SH3BGRL2: variants seen among roughly 807,000 people sequenced by gnomAD.
SH3BGRL2 encodes the protein SH3 domain-binding glutamic acid-rich-like protein 2.
In SH3BGRL2, 21 loss-of-function variants were observed where a neutral mutation model predicts 14.8. The ratio of observed to expected loss-of-function variants is 1.42; its 90% CI spans 1.01 to 2.05. The LOEUF (loss-of-function observed/expected upper bound fraction) is 2.05, where lower values mean the gene tolerates loss of function less well. SH3BGRL2 is among the 30% of genes most tolerant of loss of function. The pLI, the probability that SH3BGRL2 is intolerant of heterozygous loss-of-function variation, is 0.00. For synonymous variants in SH3BGRL2, 50 were observed against 47.8 expected, an observed-to-expected ratio of 1.05 and a Z score of -0.19; for missense variants, 147 against 130.8, an observed-to-expected ratio of 1.12 and a Z score of -0.61.
intron 1 of SH3BGRL2, among the ~76,000 whole-genome samples, chr6:79,660,782 GTTGATAGGC>G (rs1243734763): frequency 3.9e-5 from 6 of 152,038 alleles, no homozygotes; most frequent in Admixed American, 1.3e-4. Flanking sequence ...ACTTTTTTTG[GTTGATAGGC>G]TATTCATTAT....
At chr6:79,556,562 A>C in the SH3BGRL2 span, among the ~76,000 whole-genome samples, 82 of 152,184 alleles carry the variant, frequency 5.4e-4, no homozygotes, top group Non-Finnish European at 1.0e-3. Flanking sequence ...CTTTGGGAGT[A>C]TAAATTGGTT....
chr6:79,589,204 A>ATTT, the SH3BGRL2 span, among the ~76,000 whole-genome samples: 223 of 85,472 alleles, frequency 2.6e-3, 1 homozygote, highest in African/African-American at 5.1e-3. Context: ...ATATATATAT[A>ATTT]TATTTTTTTT....
chr6:79,620,740 G>A, the SH3BGRL2 span, among the ~76,000 whole-genome samples: 4 of 151,980 alleles, frequency 2.6e-5, no homozygotes, highest in Non-Finnish European at 5.9e-5. Flanking sequence ...AGAGGATTGG[G>A]GGATAGCACA....
chr6:79,580,006 T>C, the SH3BGRL2 span, among the ~76,000 whole-genome samples: 1 of 152,234 alleles, frequency 6.6e-6, no homozygotes, highest in African/African-American at 2.4e-5. Context: ...TCCTAGTCTC[T>C]GATAAAACAG....
rs1277618247 is a variant in SH3BGRL2 at position 79,701,557 on chromosome 6, G to A, written c.*2048G>A. 6.6e-6 allele frequency: 1 copy of A among 150,418 alleles called. No homozygotes were observed. The highest frequency in any genetic ancestry group is 2.4e-5 in the African/African-American group (1 of 40,928). The allele number at this position is 150,418 out of a possible 1,614,324, so 9.3% of individuals were successfully genotyped here. A position where few individuals can be genotyped will look rare whatever the true frequency, so the allele number is the denominator to read the frequency against. The stretch of plus-strand genomic sequence containing the variant: ...ATTATAGTAAACAGACTAGTGGGTA[G>A]TAATGCTAAATTACCATCACAGTTA... On this transcript the variant is annotated 3_prime_UTR_variant, in exon 4 of 4. Coordinates refer to ENST00000369838, the MANE Select transcript of SH3BGRL2 (RefSeq NM_031469.4).
At chr6:79,656,873 A>G (rs575907879) in intron 1 of SH3BGRL2, among the ~76,000 whole-genome samples, 43 of 152,302 alleles carry the variant, frequency 2.8e-4, no homozygotes, top group African/African-American at 8.7e-4. Context: ...ATAAATATGA[A>G]TGTGTGTGCA....
At chr6:79,646,675 C>A (rs1474150826) in intron 1 of SH3BGRL2, among the ~76,000 whole-genome samples, 1 of 152,136 alleles carries the variant, frequency 6.6e-6, no homozygotes, top group Non-Finnish European at 1.5e-5. Context: ...CATATTCATG[C>A]CTATTAGTAG....
intron 2 of SH3BGRL2, among the ~76,000 whole-genome samples, chr6:79,695,265 C>G (rs1477329806): frequency 1.3e-5 from 2 of 152,212 alleles, no homozygotes; most frequent in African/African-American, 4.8e-5. Context: ...TTCTTTAGAG[C>G]TGATCCTAAA....
chr6:79,663,728 C>A (rs1489341667), intron 1 of SH3BGRL2, among the ~76,000 whole-genome samples: 1 of 152,246 alleles, frequency 6.6e-6, no homozygotes, highest in Non-Finnish European at 1.5e-5. Flanking sequence ...TTTAAGTCTG[C>A]AGAAGTTTCT....
At chr6:79,583,635 G>C in the SH3BGRL2 span, among the ~76,000 whole-genome samples, 1 of 152,152 alleles carries the variant, frequency 6.6e-6, no homozygotes, top group Non-Finnish European at 1.5e-5. Context: ...CTGTAAGGGG[G>C]TGGGGAGCTC....
upstream of SH3BGRL2, among the ~76,000 whole-genome samples, chr6:79,629,220 G>A (rs182922951): frequency 2.3e-3 from 357 of 152,304 alleles, 3 homozygotes; most frequent in Non-Finnish European, 4.3e-3. Flanking sequence ...CAAATTCTCT[G>A]TTGTTCTCTT....
chr6:79,574,758 A>G, the SH3BGRL2 span: 1 of 152,234 alleles, frequency 6.6e-6, no homozygotes, highest in Middle Eastern at 3.2e-3. Context: ...TTGGTGGTAT[A>G]TCTTATGACT....
the SH3BGRL2 span, among the ~76,000 whole-genome samples, chr6:79,555,804 G>A: frequency 7.2e-5 from 11 of 152,174 alleles, no homozygotes; most frequent in South Asian, 2.1e-4. Flanking sequence ...CACCGCGCCC[G>A]GCCCAAACTA....
At chr6:79,559,921 T>C in the SH3BGRL2 span, among the ~76,000 whole-genome samples, 2 of 152,230 alleles carry the variant, frequency 1.3e-5, no homozygotes, top group African/African-American at 4.8e-5. Flanking sequence ...TTATTTGTAC[T>C]CTTATTCTTG....
At chr6:79,621,638 T>G in the SH3BGRL2 span, among the ~76,000 whole-genome samples, 1 of 152,196 alleles carries the variant, frequency 6.6e-6, no homozygotes, top group Non-Finnish European at 1.5e-5. Flanking sequence ...ATTGTGGCAG[T>G]CACTATTTGT....
intron 1 of SH3BGRL2, among the ~76,000 whole-genome samples, chr6:79,672,341 C>T (rs572216039): frequency 3.9e-5 from 6 of 152,156 alleles, no homozygotes; most frequent in African/African-American, 1.4e-4. Context: ...CACTTCTGTT[C>T]GTTTCTTACA....
intron 1 of SH3BGRL2, among the ~76,000 whole-genome samples, chr6:79,666,042 C>T (rs1165759250): frequency 3.3e-5 from 5 of 152,174 alleles, no homozygotes; most frequent in Non-Finnish European, 2.9e-5. Context: ...CTGCCCTGCT[C>T]CCCAACAATG....
At chr6:79,615,817 C>CTT in the SH3BGRL2 span, among the ~76,000 whole-genome samples, 14 of 124,214 alleles carry the variant, frequency 1.1e-4, no homozygotes, top group South Asian at 2.5e-4. Context: ...CCACTCCTGC[C>CTT]TTTTTTTTTT....
At chr6:79,558,334 T>G in the SH3BGRL2 span, among the ~76,000 whole-genome samples, 6 of 152,182 alleles carry the variant, frequency 3.9e-5, no homozygotes, top group African/African-American at 1.4e-4. Context: ...AGGTGATTGC[T>G]TAGGATGTTG....
Sources: gnomAD v4.1 joint callset for allele counts (sites outside exome capture counted in the v4.1 genomes callset) on GRCh38, gnomAD v4.1.1 for gene constraint, MANE v1.5 for transcripts, NCBI Gene and HGNC (gene_info 2026-07-23, HGNC 2026-07-21) for gene names.